The following MRAP2 variants were observed in gnomAD, a reference collection of about 807,000 sequenced individuals.
MRAP2 encodes melanocortin-2 receptor accessory protein 2.
Under a neutral mutation model 17.4 loss-of-function variants are expected in MRAP2, and 20 were observed. That is an observed-to-expected ratio of 1.15 (90% CI 0.81 to 1.67). The LOEUF is 1.67. Ranked by LOEUF, MRAP2 falls within the 40% of genes most tolerant of loss-of-function variation. The pLI is 0.00. For missense variants in MRAP2, 238 were observed against 240.0 expected (o/e 0.99, Z 0.05); for synonymous variants, 96 against 88.4 (o/e 1.09, Z -0.48).
rs907548361 is a variant in MRAP2 at position 84,090,419 on chromosome 6, A to G, written c.*938A>G. On this transcript the variant is annotated 3_prime_UTR_variant, in exon 4 of 4. Coordinates refer to ENST00000257776, the MANE Select transcript of MRAP2 (RefSeq NM_138409.4). ...CCCATGCTCTAACCTGGAGACAGCC[A>G]TCCCCTGCCTCAGAATAAGTACCAA... 2 of 152,224 alleles carry G rather than the reference A, an allele frequency of 1.3e-5. No homozygotes were observed. The highest frequency in any genetic ancestry group is 1.3e-4 in the Admixed American group (2 of 15,274). 9.4% of individuals were successfully genotyped at this position (152,224 alleles called of 1,614,324 possible).
At chr6:84,060,718 C>A (rs1478008501) in intron 2 of MRAP2, among the ~76,000 whole-genome samples, 2 of 150,866 alleles carry the variant, frequency 1.3e-5, no homozygotes, top group African/African-American at 2.4e-5. Flanking sequence ...CGGAGTCTTG[C>A]TCTGTCACCC....
the MRAP2 span, among the ~76,000 whole-genome samples, chr6:84,138,463 C>T: frequency 2.0e-5 from 3 of 152,112 alleles, no homozygotes; most frequent in East Asian, 1.9e-4. Flanking sequence ...ATACACAGGA[C>T]GTCAGGAGAG....
At chr6:84,050,506 T>A (rs1477690646) in intron 1 of MRAP2, among the ~76,000 whole-genome samples, 1 of 152,190 alleles carries the variant, frequency 6.6e-6, no homozygotes, top group Non-Finnish European at 1.5e-5. Flanking sequence ...CATTGTTCTG[T>A]GCAAGGAGGA....
In MRAP2 at chr6:84,089,516, T is replaced by C. The variant is rs1291692899; in HGVS notation, c.*35T>C. On this transcript the variant is annotated 3_prime_UTR_variant, in exon 4 of 4. Coordinates refer to ENST00000257776, the MANE Select transcript of MRAP2 (RefSeq NM_138409.4). The stretch of plus-strand genomic sequence containing the variant: ...TCTGTAAAGGGTCTTCCTGAAGATG[T>C]GGATTCTATCTTTATGTAGCAAGAA... The C allele has an allele frequency of 6.3e-7, 1 of 1,576,648 alleles. No homozygotes were observed. Among genetic ancestry groups the C allele is most frequent in the Non-Finnish European group, 8.6e-7 (1 of 1,161,110 alleles).
Position 84,089,542 on chromosome 6 carries a change from A to G in MRAP2, c.*61A>G. 2.6e-6 allele frequency: 4 copies of G among 1,534,466 alleles called. No individual in the cohort carries two copies. The highest frequency in any genetic ancestry group is 2.6e-6 in the Non-Finnish European group (3 of 1,135,346). On this transcript the variant is annotated 3_prime_UTR_variant, in exon 4 of 4. Coordinates refer to ENST00000257776, the MANE Select transcript of MRAP2 (RefSeq NM_138409.4). ...GGATTCTATCTTTATGTAGCAAGAA[A>G]TCTACATCCACCAAAATTGTGTGTG...
the MRAP2 span, among the ~76,000 whole-genome samples, chr6:84,142,663 G>GT: frequency 3.9e-5 from 6 of 152,104 alleles, no homozygotes; most frequent in Non-Finnish European, 8.8e-5. Flanking sequence ...GTTGTCAACA[G>GT]TAAGTATAAT....
rs2099493668 is a variant in MRAP2, at chr6:84,063,347, G to C, written c.227+355G>C. ...ATGATTCACCATATTAAAAACAGTG[G>C]AAAAGACAATGGCAAAATAGGATGA... On this transcript the variant is annotated intron_variant, in intron 3 of 3. Transcript: ENST00000257776. The C allele has an allele frequency of 3.0e-6, 3 of 985,134 alleles. No homozygotes were observed. The South Asian group carries it at 1.4e-4, about 46-fold the overall frequency. The allele number at this position is 985,134 out of a possible 1,614,324, so 61.0% of individuals were successfully genotyped here.
the MRAP2 span, among the ~76,000 whole-genome samples, chr6:84,104,836 C>G: frequency 6.6e-6 from 1 of 152,126 alleles, no homozygotes; most frequent in Non-Finnish European, 1.5e-5. Flanking sequence ...CCACTGCCCT[C>G]CAGCCTGGGC....
In MRAP2 at chr6:84,041,461, C is replaced by T. The variant is rs140583352; in HGVS notation, c.-8+7578C>T. ...GAGAAGAGGGCCACTGTCCTCCAGT[C>T]GCCAGAATGGTGGATCCACTGATAG... is the stretch of plus-strand genomic sequence containing the variant. On this transcript the variant is annotated intron_variant, in intron 1 of 3. Coordinates refer to ENST00000257776, the MANE Select transcript of MRAP2 (RefSeq NM_138409.4). Among the ~76,000 whole-genome samples the T allele has an allele frequency of 6.6e-5, 10 of 152,330 alleles. No homozygotes were observed. In the East Asian group the frequency reaches 1.5e-3, roughly 24 times the overall value.
In MRAP2 at chr6:84,089,593, TAGAGAC is replaced by T; in HGVS notation, c.*118_*123del. On this transcript the variant is annotated 3_prime_UTR_variant, in exon 4 of 4. Coordinates refer to ENST00000257776, the MANE Select transcript of MRAP2 (RefSeq NM_138409.4). Reference sequence around the variant, plus strand: ...TTTGGGGGAGAGAGAGACATAGAGATAGAGACAGAGAGGCAGAGAAGAGACCCCTTT... The same window carrying T: ...TTTGGGGGAGAGAGAGACATAGAGATAGAGAGGCAGAGAAGAGACCCCTTT... 37 of 1,258,048 alleles carry T rather than the reference TAGAGAC, an allele frequency of 2.9e-5. No individual in the cohort carries two copies. Among genetic ancestry groups the T allele is most frequent in the Non-Finnish European group, 4.0e-5 (36 of 906,410 alleles). The allele number at this position is 1,258,048 out of a possible 1,614,324, so 77.9% of individuals were successfully genotyped here.
chr6:84,110,866 C>T, the MRAP2 span, among the ~76,000 whole-genome samples: 1 of 152,096 alleles, frequency 6.6e-6, no homozygotes, highest in East Asian at 1.9e-4. Context: ...GAATCCTTTC[C>T]CCATTGCTTG....
At chr6:84,092,623 C>G (rs758686987), downstream of MRAP2, among the ~76,000 whole-genome samples, 30 of 151,980 alleles carry the variant, frequency 2.0e-4, no homozygotes, top group Non-Finnish European at 3.5e-4. Flanking sequence ...ATACTAGTTA[C>G]TAATAGTTGT....
the MRAP2 span, among the ~76,000 whole-genome samples, chr6:84,105,469 G>T: frequency 6.6e-6 from 1 of 152,232 alleles, no homozygotes; most frequent in Admixed American, 6.5e-5. Flanking sequence ...GATCTCATGA[G>T]ACTTATTCAC....
At chr6:84,118,695 G>C in the MRAP2 span, among the ~76,000 whole-genome samples, 1 of 151,156 alleles carries the variant, frequency 6.6e-6, no homozygotes. Flanking sequence ...TGTTGCCAGT[G>C]GCTGGCTGGA....
the MRAP2 span, among the ~76,000 whole-genome samples, chr6:84,126,111 G>T: frequency 1.3e-5 from 2 of 152,080 alleles, no homozygotes; most frequent in Non-Finnish European, 2.9e-5. Context: ...GGTAAGATGT[G>T]TAAGTTTTTA....
chr6:84,058,960 T>C (rs1321242461), intron 2 of MRAP2, among the ~76,000 whole-genome samples: 1 of 151,794 alleles, frequency 6.6e-6, no homozygotes, highest in Non-Finnish European at 1.5e-5. Flanking sequence ...CAAGAAAAAA[T>C]GAGAGGAGAG....
At chr6:84,060,091 G>A (rs2099492713) in intron 2 of MRAP2, among the ~76,000 whole-genome samples, 1 of 152,178 alleles carries the variant, frequency 6.6e-6, no homozygotes, top group Non-Finnish European at 1.5e-5. Context: ...ACTTGAGGAA[G>A]CTAAATTTTG....
At chr6:84,035,924 T>C (rs925160693) in intron 1 of MRAP2, among the ~76,000 whole-genome samples, 2 of 152,216 alleles carry the variant, frequency 1.3e-5, no homozygotes, top group Non-Finnish European at 2.9e-5. Flanking sequence ...ATTAAATTAG[T>C]TCAAATTGTA....
intron 3 of MRAP2, among the ~76,000 whole-genome samples, chr6:84,070,235 A>G (rs556838343): frequency 6.6e-6 from 1 of 152,214 alleles, no homozygotes; most frequent in South Asian, 2.1e-4. Flanking sequence ...GTTTAGGGTT[A>G]TGAACTTTCC....
Sources: gnomAD v4.1 joint callset for allele counts (sites outside exome capture counted in the v4.1 genomes callset) on GRCh38, gnomAD v4.1.1 for gene constraint, MANE v1.5 for transcripts, NCBI Gene and HGNC (gene_info 2026-07-23, HGNC 2026-07-21) for gene names.